Variants in PACS1 observed in about 807,000 individuals in gnomAD.
PACS1 encodes PACS-1.
PACS1 carries 24 observed loss-of-function variants against 115.0 expected under a neutral mutation model. That is an observed-to-expected ratio of 0.21 (90% confidence interval 0.15 to 0.29). The LOEUF is 0.29. PACS1 is among the 10% of genes least tolerant of loss of function. PACS1 has a pLI of 1.00. For synonymous variants in PACS1, 453 were observed against 504.5 expected (o/e 0.90, Z 1.37); for missense variants, 838 against 1,251.2 (o/e 0.67, Z 4.98).
chr11:66,079,166 C>T (rs536936540), intron 1 of PACS1, among the ~76,000 whole-genome samples: 18 of 152,294 alleles, frequency 1.2e-4, no homozygotes, highest in Non-Finnish European at 2.4e-4. Flanking sequence ...AGATTACTGG[C>T]GTGAGCCACC....
At chr11:66,138,534 A>G (rs1264502305) in intron 1 of PACS1, among the ~76,000 whole-genome samples, 3 of 152,096 alleles carry the variant, frequency 2.0e-5, no homozygotes, top group Non-Finnish European at 4.4e-5. Context: ...CACAAACCTG[A>G]GAGCAAGCAC....
At chr11:66,154,368 A>T (rs982297849) in intron 1 of PACS1, among the ~76,000 whole-genome samples, 7 of 152,036 alleles carry the variant, frequency 4.6e-5, no homozygotes, top group Non-Finnish European at 1.0e-4. Context: ...GAGCCTGGGA[A>T]TTCAAGGCTG....
chr11:66,227,293 T>C (rs1472211896), intron 10 of PACS1, among the ~76,000 whole-genome samples: 4 of 152,180 alleles, frequency 2.6e-5, no homozygotes, highest in African/African-American at 7.2e-5. Context: ...CTCCGTGTTA[T>C]TGACTTGATG....
chr11:66,210,144 C>T (rs1030638595), intron 2 of PACS1, among the ~76,000 whole-genome samples: 6 of 151,956 alleles, frequency 3.9e-5, no homozygotes, highest in South Asian at 2.1e-4. Flanking sequence ...GATCCTCGCA[C>T]CTCAGCCTCC....
At chr11:66,094,786 A>C (rs1245016302) in intron 1 of PACS1, among the ~76,000 whole-genome samples, 1 of 152,218 alleles carries the variant, frequency 6.6e-6, no homozygotes, top group Admixed American at 6.5e-5. Flanking sequence ...ACATCGATGC[A>C]AAAATCCTCA....
Position 66,217,533 on chromosome 11 carries a change from C to T in PACS1, c.978+758C>T, listed in dbSNP as rs1187739242. The T allele has an allele frequency of 1.1e-5, 5 of 456,066 alleles. No individual in the cohort carries two copies. The Admixed American group carries it at 1.2e-4, about 11-fold the overall frequency. The allele number at this position is 456,066 out of a possible 1,614,324, so 28.3% of individuals were successfully genotyped here. A position where few individuals can be genotyped will look rare whatever the true frequency, so the allele number is the denominator to read the frequency against. ...CAGAGCTAGCCTAGGGACCAAACCCCTGAGAGCCGAGATGCCCACCCCTTC... is the reference window on the plus strand; with the variant it reads ...CAGAGCTAGCCTAGGGACCAAACCCTTGAGAGCCGAGATGCCCACCCCTTC... On this transcript the variant is annotated intron_variant, in intron 7 of 23. Coordinates refer to ENST00000320580, the MANE Select transcript of PACS1 (RefSeq NM_018026.4).
At chr11:66,210,779 C>T (rs762073845) in intron 3 of PACS1, among the ~76,000 whole-genome samples, 5 of 152,238 alleles carry the variant, frequency 3.3e-5, no homozygotes, top group Non-Finnish European at 7.3e-5. Flanking sequence ...TCAGCCTCCA[C>T]GTCGGGATCT....
At chr11:66,076,215 T>C (rs1857394850) in intron 1 of PACS1, among the ~76,000 whole-genome samples, 2 of 152,256 alleles carry the variant, frequency 1.3e-5, no homozygotes, top group Non-Finnish European at 2.9e-5. Context: ...TGTATTGATT[T>C]ACAGATCTTT....
chr11:66,100,532 C>T (rs896591366), intron 1 of PACS1, among the ~76,000 whole-genome samples: 4 of 152,214 alleles, frequency 2.6e-5, no homozygotes, highest in East Asian at 1.9e-4. Flanking sequence ...AGCGAGAAGC[C>T]GATTTACTCT....
At chr11:66,165,479 A>G (rs1859581195) in intron 1 of PACS1, among the ~76,000 whole-genome samples, 1 of 152,264 alleles carries the variant, frequency 6.6e-6, no homozygotes, top group African/African-American at 2.4e-5. Context: ...CTCTAGGCTG[A>G]TCTTTCCGTT....
chr11:66,232,986 G>T lies in PACS1; in HGVS notation c.1758G>T (p.Gln586His). The change falls in exon 15 of 24, where the codon CAG becomes CAT. Residue 586 changes from glutamine (Q) to histidine (H), a missense_variant. By Grantham distance (24) the Gln-to-His change is conservative. Coordinates refer to ENST00000320580, the MANE Select transcript of PACS1 (RefSeq NM_018026.4). Reference protein sequence around the residue: ...GQYVAELLQDQRKPVVCTCST... With the variant: ...GQYVAELLQDHRKPVVCTCST... ...ATGTGGCTGAGCTGCTCCAGGACCA[G>T]CGGAAGCCTGTGGTGTGCACCTGCT... 1 of 1,612,992 alleles carries T rather than the reference G, an allele frequency of 6.2e-7. No homozygotes were observed.
chr11:66,238,910 C>T (rs1742136376), intron 20 of PACS1, 64 bp downstream of exon 20: 4 of 1,479,874 alleles, frequency 2.7e-6, no homozygotes, highest in Non-Finnish European at 3.7e-6. Context: ...TCCCTCTAGT[C>T]CAGCAGGCCA....
intron 1 of PACS1, among the ~76,000 whole-genome samples, chr11:66,125,506 A>G (rs1858550955): frequency 1.3e-5 from 2 of 152,178 alleles, no homozygotes; most frequent in African/African-American, 4.8e-5. Flanking sequence ...TCCATCCTCT[A>G]TTTTGAAGAT....
intron 11 of PACS1, among the ~76,000 whole-genome samples, chr11:66,228,765 G>A (rs1416649408): frequency 6.6e-6 from 1 of 152,190 alleles, no homozygotes; most frequent in Non-Finnish European, 1.5e-5. Flanking sequence ...GCATCGGGAG[G>A]CCTCAGGAAT....
chr11:66,096,547 A>G (rs1590741142), intron 1 of PACS1, among the ~76,000 whole-genome samples: 1 of 143,334 alleles, frequency 7.0e-6, no homozygotes. Context: ...CTTGTTGCCC[A>G]GGCTGGAGTG....
intron 1 of PACS1, among the ~76,000 whole-genome samples, chr11:66,142,172 C>T (rs962638647): frequency 2.0e-5 from 3 of 152,032 alleles, no homozygotes; most frequent in Non-Finnish European, 2.9e-5. Context: ...CCTCTTGCCC[C>T]GGCTCCCAGA....
intron 1 of PACS1, among the ~76,000 whole-genome samples, chr11:66,112,539 C>A (rs776027989): frequency 6.6e-6 from 1 of 152,080 alleles, no homozygotes; most frequent in Non-Finnish European, 1.5e-5. Flanking sequence ...ATACCTTATC[C>A]GACATGATTT....
chr11:66,231,045 A>G, intron 13 of PACS1, 105 bp downstream of exon 13: 1 of 1,375,180 alleles, frequency 7.3e-7, no homozygotes, highest in South Asian at 1.2e-5. Flanking sequence ...GAAGAGGAAT[A>G]CTTGGAAATG....
chr11:66,077,571 G>A (rs959577239), intron 1 of PACS1, among the ~76,000 whole-genome samples: 1 of 152,112 alleles, frequency 6.6e-6, no homozygotes, highest in Admixed American at 6.5e-5. Context: ...AAACAAAAAT[G>A]GGTGAATAGA....
Sources: gnomAD v4.1 joint callset for allele counts (sites outside exome capture counted in the v4.1 genomes callset) on GRCh38, gnomAD v4.1.1 for gene constraint, MANE v1.5 for transcripts, NCBI Gene and HGNC (gene_info 2026-07-23, HGNC 2026-07-21) for gene names.